The following CFAP74 variants were observed in gnomAD, a reference collection of about 807,000 sequenced individuals.
The protein encoded by CFAP74 is cilia- and flagella-associated protein 74.
CFAP74 carries 124 observed loss-of-function variants against 188.9 expected under a neutral mutation model. The observed-to-expected ratio is 0.66, with a 90% CI of 0.57 to 0.76. The LOEUF is 0.76. Among genes scored for constraint, CFAP74 ranks in the 30% least tolerant of loss-of-function variants. The pLI is 0.00. For synonymous variants in CFAP74, 956 were observed against 916.7 expected, an observed-to-expected ratio of 1.04 and a Z score of -0.77; for missense variants, 2,198 against 2,165.2, an observed-to-expected ratio of 1.02 and a Z score of -0.30.
Position 1,972,072 on chromosome 1 carries a change from G to T in CFAP74, c.796C>A (p.Gln266Lys). Residue 266 changes from glutamine to lysine, a missense_variant, in exon 9 of 39, where the codon CAA becomes AAA. Transcript: ENST00000682832. Reference sequence around the variant, plus strand: ...CACTCCATCTCCTCCTTCTTCTCTTGCTCTCGGATTCTGAGGAAGGACATT... The same window carrying T: ...CACTCCATCTCCTCCTTCTTCTCTTTCTCTCGGATTCTGAGGAAGGACATT... ...LKASLGRIREQEKKEEMECHE... is the reference protein window; with the variant it reads ...LKASLGRIREKEKKEEMECHE... The T allele has an allele frequency of 6.2e-7, 1 of 1,611,852 alleles. No homozygotes were observed.
At chr1:1,962,203 T>C (rs1202856236) in intron 14 of CFAP74, among the ~76,000 whole-genome samples, 1 of 152,214 alleles carries the variant, frequency 6.6e-6, no homozygotes, top group African/African-American at 2.4e-5. Context: ...CTGGGTGCTG[T>C]GGCTCACGCC....
chr1:1,968,815 CT>C lies in CFAP74; in HGVS notation c.1064del (p.Gln355ArgfsTer13). On this transcript the variant is annotated frameshift_variant, in exon 11 of 39. Coordinates refer to ENST00000682832, the MANE Select transcript of CFAP74 (RefSeq NM_001304360.2). LOFTEE classifies it high-confidence loss of function. The surrounding 1 kb of genome is among the most constrained non-coding windows in gnomAD (Gnocchi z 4.3). Reference protein sequence around the residue: ...EAQKRAFEEEQKLRKQEIISR... With the variant: ...EAQKRAFEEEXKLRKQEIISR... Reference sequence around the variant, plus strand: ...TGATGATCTCCTGCTTTCTGAGCTTCTGCTCCTCCTCAAAGGCCCTGCGTGG... The same window carrying C: ...TGATGATCTCCTGCTTTCTGAGCTTCGCTCCTCCTCAAAGGCCCTGCGTGG... 6.2e-7 allele frequency: 1 copy of C among 1,614,076 alleles called. No homozygotes were observed. The highest frequency in any genetic ancestry group is 1.1e-5 in the South Asian group (1 of 91,086).
chr1:1,988,549 T>C lies in CFAP74; in HGVS notation c.259A>G (p.Met87Val). ...GTGAAAAGCTCTTGCTCCTCATGCA[T>C]CTTATCCAGGGCGCTCAGGTTCTGC... is the stretch of plus-strand genomic sequence containing the variant. ...LRQNLSALDK[M>V]HEEQELFTEK... The change falls in exon 4 of 39, where the codon ATG becomes GTG. Residue 87 changes from methionine (M) to valine (V), a missense_variant. By Grantham distance (21) the Met-to-Val change is conservative. Coordinates refer to ENST00000682832, the MANE Select transcript of CFAP74 (RefSeq NM_001304360.2). 6.2e-7 allele frequency: 1 copy of C among 1,613,432 alleles called. No homozygotes were observed. Among genetic ancestry groups the C allele is most frequent in the Non-Finnish European group, 8.5e-7 (1 of 1,180,024 alleles).
chr1:1,967,893 GTGAA>G (rs1655580252), intron 11 of CFAP74, among the ~76,000 whole-genome samples: 1 of 152,172 alleles, frequency 6.6e-6, no homozygotes, highest in African/African-American at 2.4e-5. Flanking sequence ...GAGTGAGTGA[GTGAA>G]TGAGTAAGTG....
chr1:1,928,701 CCCCAGGACTCGAAGGCGG>C, intron 27 of CFAP74, 65 bp downstream of exon 27: 6 of 1,041,428 alleles, frequency 5.8e-6, no homozygotes, highest in Non-Finnish European at 8.5e-6. Flanking sequence ...GGCCGGAGCC[CCCCAGGACTCGAAGGCGG>C]TGGAGTTTGT....
intron 6 of CFAP74, among the ~76,000 whole-genome samples, chr1:1,983,002 C>A (rs187106819): frequency 2.6e-5 from 4 of 152,194 alleles, no homozygotes; most frequent in African/African-American, 7.2e-5. Context: ...GCCCACAGAG[C>A]GGCAGACACG....
intron 8 of CFAP74, 73 bp downstream of exon 8, chr1:1,972,864 G>A: frequency 2.1e-6 from 2 of 959,996 alleles, no homozygotes; most frequent in Non-Finnish European, 3.3e-6. Flanking sequence ...AATAAAATCA[G>A]GGCATTTCAA....
chr1:2,000,690 TTCTC>T (rs1448823680), intron 1 of CFAP74, among the ~76,000 whole-genome samples: 1 of 152,150 alleles, frequency 6.6e-6, no homozygotes, highest in Non-Finnish European at 1.5e-5. Flanking sequence ...TCATAGGACA[TTCTC>T]TCTGTGTGCA....
intron 1 of CFAP74, among the ~76,000 whole-genome samples, chr1:1,992,506 C>G (rs908687643): frequency 4.0e-5 from 6 of 150,664 alleles, no homozygotes; most frequent in Non-Finnish European, 8.9e-5. Context: ...TGAAGTCTCG[C>G]TCAGTCTCCC....
intron 18 of CFAP74, among the ~76,000 whole-genome samples, chr1:1,951,582 T>C (rs1176393389): frequency 6.6e-6 from 1 of 152,222 alleles, no homozygotes; most frequent in African/African-American, 2.4e-5. Flanking sequence ...TGTAAGTCCT[T>C]GAAATTTGTT....
chr1:1,930,507 C>T (rs1293838043), intron 25 of CFAP74, among the ~76,000 whole-genome samples, 171 bp from the exon 26 acceptor site: 2 of 152,158 alleles, frequency 1.3e-5, no homozygotes, highest in Non-Finnish European at 2.9e-5. Context: ...GAAAATACAG[C>T]GTATCCTTGT....
At position 1,922,719 on chromosome 1, in the gene CFAP74, A is replaced by G. The variant is rs1465208611; in HGVS notation, c.4688T>C (p.Val1563Ala). Residue 1563 changes from valine (V) to alanine (A), a missense_variant, in exon 38 of 39, where the codon GTT becomes GCT. By Grantham distance (64) the Val-to-Ala change is moderately conservative. Coordinates refer to ENST00000682832, the MANE Select transcript of CFAP74 (RefSeq NM_001304360.2). ...TGCGACGCTGTCTATGCTGAACTCA[A>G]CGGTCTGTGGGGTATGGGGCTCCTG... is the stretch of plus-strand genomic sequence containing the variant. ...RTTQPSPKKT[V>A]EFSIDSVASL... is the part of the protein sequence containing the mutation. 10 of 1,602,326 alleles carry G rather than the reference A, an allele frequency of 6.2e-6. No individual in the cohort carries two copies. The highest frequency in any genetic ancestry group is 1.3e-5 in the African/African-American group (1 of 74,826).
chr1:1,983,904 T>G (rs1245318487), intron 6 of CFAP74: 1 of 151,934 alleles, frequency 6.6e-6, no homozygotes, highest in Admixed American at 6.6e-5. Context: ...TTAGCCAGGA[T>G]GGTCTCGATC....
chr1:1,971,182 C>A lies in CFAP74; in HGVS notation c.889-366G>T, dbSNP rs568394286. ...GGACACACATGCACACCTGCACACA[C>A]GTGCACAGACGTGCTTACATGCACA... On this transcript the variant is annotated intron_variant, in intron 9 of 38. Coordinates refer to ENST00000682832, the MANE Select transcript of CFAP74 (RefSeq NM_001304360.2). Among the ~76,000 whole-genome samples the A allele has an allele frequency of 6.6e-3, 996 of 151,992 alleles. 13 individuals carry two copies. Among genetic ancestry groups the A allele is most frequent in the African/African-American group, 0.022 (925 of 41,426 alleles).
intron 1 of CFAP74, 54 bp downstream of exon 1, chr1:2,003,647 G>A (rs976952225): frequency 3.9e-5 from 6 of 152,126 alleles, no homozygotes; most frequent in Non-Finnish European, 1.5e-5. Context: ...GGGGGCGGGG[G>A]TCAAACCCTT....
chr1:1,923,803 T>C lies in CFAP74; in HGVS notation c.4361A>G (p.Asp1454Gly). The change falls in exon 35 of 39, where the codon GAC becomes GGC. Residue 1454 changes from aspartate to glycine, a missense_variant. Asp to Gly is a moderately conservative substitution (Grantham distance 94). Coordinates refer to ENST00000682832, the MANE Select transcript of CFAP74 (RefSeq NM_001304360.2). The surrounding 1 kb of genome is among the most constrained non-coding windows in gnomAD (Gnocchi z 6.3). ...TTCAAAGAGCACCACCTGGAGCTTG[T>C]CGGAGAAGTAGAGGCTTTCGTGGTC... Reference protein sequence around the residue: ...SPDHESLYFSDKLQVVLFEKK... With the variant: ...SPDHESLYFSGKLQVVLFEKK... The C allele has an allele frequency of 1.9e-6, 3 of 1,613,428 alleles. No individual in the cohort carries two copies. Among genetic ancestry groups the C allele is most frequent in the Non-Finnish European group, 2.5e-6 (3 of 1,179,832 alleles).
intron 18 of CFAP74, among the ~76,000 whole-genome samples, chr1:1,952,713 G>A (rs568862081): frequency 6.6e-6 from 1 of 152,042 alleles, no homozygotes; most frequent in East Asian, 1.9e-4. Flanking sequence ...TGAATGCAGT[G>A]GTGCAATCAC....
In CFAP74 at chr1:1,931,260, T is replaced by G. The variant is rs866930925; in HGVS notation, c.3012-924A>C. Among the ~76,000 whole-genome samples, 503 of 124,156 alleles carry G rather than the reference T, an allele frequency of 4.1e-3. No individual in the cohort carries two copies. The Middle Eastern group carries it at 0.056, about 14-fold the overall frequency. 81.5% of individuals were successfully genotyped at this position (124,156 alleles called of 152,430 possible). On this transcript the variant is annotated intron_variant, in intron 25 of 38. Coordinates refer to ENST00000682832, the MANE Select transcript of CFAP74 (RefSeq NM_001304360.2). Reference sequence around the variant, plus strand: ...CCGGCTAACACGGTGAAACCCCGTCTCTACTAAAAATACAAAAAAATTAGC... The same window carrying G: ...CCGGCTAACACGGTGAAACCCCGTCGCTACTAAAAATACAAAAAAATTAGC...
In CFAP74 at chr1:1,946,314, C is replaced by T. The variant is rs1202494416; in HGVS notation, c.2364+3G>A. The T allele has an allele frequency of 1.2e-5, 18 of 1,534,154 alleles. 1 individual carries two copies. In the East Asian group the frequency reaches 4.4e-4, roughly 38 times the overall value. Reference sequence around the variant, plus strand: ...TGCGTGGCGTGGCAGCAGGAATACTCACCGTGGGGCACTGGGGGTTCTTAA... The same window carrying T: ...TGCGTGGCGTGGCAGCAGGAATACTTACCGTGGGGCACTGGGGGTTCTTAA... On this transcript the variant is annotated splice_donor_region_variant and intron_variant, in intron 20 of 38. Transcript: ENST00000682832.
Sources: allele counts gnomAD v4.1 joint callset (sites outside exome capture counted in the v4.1 genomes callset), GRCh38; gene constraint gnomAD v4.1.1; non-coding constraint Gnocchi (gnomAD v3.1); transcripts MANE v1.5; gene names NCBI Gene and HGNC (gene_info 2026-07-23, HGNC 2026-07-21).